The following ZNF438 variants were observed in gnomAD, a reference collection of about 807,000 sequenced individuals.
The protein encoded by ZNF438 is zinc finger protein 438.
ZNF438 carries 25 observed loss-of-function variants against 38.0 expected under a neutral mutation model. The observed-to-expected ratio is 0.66, with a 90% CI of 0.48 to 0.92. ZNF438 has a LOEUF of 0.92. ZNF438 is among the 40% of genes least tolerant of loss of function. The pLI, the probability that ZNF438 is intolerant of heterozygous loss-of-function variation, is 0.00. For missense variants in ZNF438, 1,007 were observed against 999.6 expected (o/e 1.01, Z -0.10); for synonymous variants, 372 against 364.1 (o/e 1.02, Z -0.25).
At chr10:31,020,602 G>A (rs1044579298) in intron 1 of ZNF438, among the ~76,000 whole-genome samples, 2 of 151,762 alleles carry the variant, frequency 1.3e-5, no homozygotes, top group African/African-American at 4.8e-5. Context: ...TTCCTTTCTG[G>A]GCCTGATGGT....
At chr10:31,013,367 T>C (rs1006027974) in intron 1 of ZNF438, among the ~76,000 whole-genome samples, 10 of 151,880 alleles carry the variant, frequency 6.6e-5, no homozygotes, top group African/African-American at 2.4e-4. Context: ...CACAAATACA[T>C]GGCCTCCCAC....
intron 2 of ZNF438, among the ~76,000 whole-genome samples, chr10:30,922,257 C>A (rs914135657): frequency 5.9e-5 from 9 of 152,140 alleles, no homozygotes; most frequent in Admixed American, 3.9e-4. Flanking sequence ...TGTATCCAGG[C>A]AACACATGGT....
intron 3 of ZNF438, among the ~76,000 whole-genome samples, chr10:30,898,004 A>G (rs12573257): frequency 0.041 from 6,254 of 152,332 alleles, 378 homozygotes; most frequent in East Asian, 0.29. Context: ...TATATTAAAT[A>G]TAATATTACA....
At chr10:30,948,535 C>A (rs1388338444) in intron 1 of ZNF438, among the ~76,000 whole-genome samples, 1 of 151,602 alleles carries the variant, frequency 6.6e-6, no homozygotes, top group Non-Finnish European at 1.5e-5. Context: ...CTAGAATAAC[C>A]AATACAGAGA....
intron 1 of ZNF438, among the ~76,000 whole-genome samples, chr10:30,958,132 C>T (rs1426626089): frequency 6.8e-6 from 1 of 146,406 alleles, no homozygotes; most frequent in African/African-American, 2.4e-5. Context: ...GCATTCCTGG[C>T]CTTGTACTTT....
chr10:30,906,851 G>A (rs2134433884), intron 3 of ZNF438, among the ~76,000 whole-genome samples: 1 of 152,166 alleles, frequency 6.6e-6, no homozygotes, highest in East Asian at 1.9e-4. Flanking sequence ...CTATTAATGT[G>A]GTGTCAACAC....
At chr10:30,995,470 GT>G (rs1276008965) in intron 1 of ZNF438, among the ~76,000 whole-genome samples, 1 of 152,190 alleles carries the variant, frequency 6.6e-6, no homozygotes, top group Non-Finnish European at 1.5e-5. Context: ...CAGAAAATTT[GT>G]TGCTAGAATA....
chr10:30,873,804 CTTTG>C (rs1170002317), intron 4 of ZNF438, among the ~76,000 whole-genome samples: 6 of 152,230 alleles, frequency 3.9e-5, no homozygotes, highest in African/African-American at 7.2e-5. Context: ...ACCATATGAA[CTTTG>C]TTTGGGGACA....
At chr10:31,000,660 A>C (rs2995654) in intron 1 of ZNF438, among the ~76,000 whole-genome samples, 19,480 of 152,072 alleles carry the variant, frequency 0.13, 1,622 homozygotes, top group Middle Eastern at 0.24. Context: ...ATGTACAGCT[A>C]TGAGAGGGCA....
intron 2 of ZNF438, among the ~76,000 whole-genome samples, chr10:30,925,646 T>C (rs1237212382): frequency 6.6e-6 from 1 of 152,198 alleles, no homozygotes; most frequent in Non-Finnish European, 1.5e-5. Flanking sequence ...GTATCACATG[T>C]GGCCTTGTGA....
intron 2 of ZNF438, among the ~76,000 whole-genome samples, chr10:30,924,120 G>A (rs1564650586): frequency 6.6e-6 from 1 of 152,142 alleles, no homozygotes; most frequent in South Asian, 2.1e-4. Flanking sequence ...AAATCTTGCA[G>A]ATACCATCTT....
chr10:30,950,237 G>A (rs200800631), intron 1 of ZNF438, among the ~76,000 whole-genome samples: 60,274 of 150,968 alleles, frequency 0.4, 12,217 homozygotes, highest in Admixed American at 0.44. Context: ...TCTCTGGGAC[G>A]CATTCAAAGC....
intron 2 of ZNF438, among the ~76,000 whole-genome samples, chr10:30,926,199 A>G (rs1272621806): frequency 2.0e-5 from 3 of 152,240 alleles, no homozygotes; most frequent in Non-Finnish European, 4.4e-5. Context: ...TATTTTGGGT[A>G]GTAGTTACAC....
intron 1 of ZNF438, among the ~76,000 whole-genome samples, chr10:31,031,085 A>G (rs2057262167): frequency 6.6e-6 from 1 of 152,190 alleles, no homozygotes; most frequent in Non-Finnish European, 1.5e-5. Flanking sequence ...ATCACCCAAC[A>G]GGCTCCAGTG....
At chr10:30,984,076 T>C (rs1170157874) in intron 1 of ZNF438, among the ~76,000 whole-genome samples, 3 of 152,212 alleles carry the variant, frequency 2.0e-5, no homozygotes, top group Non-Finnish European at 4.4e-5. Flanking sequence ...TTATTTTTTC[T>C]AATGCTCTAA....
chr10:30,991,216 C>T (rs141792866), intron 1 of ZNF438, among the ~76,000 whole-genome samples: 97 of 152,300 alleles, frequency 6.4e-4, no homozygotes, highest in Non-Finnish European at 1.2e-3. Context: ...CCCTCAGCTC[C>T]CAAGCTGGGG....
intron 1 of ZNF438, among the ~76,000 whole-genome samples, chr10:30,957,375 T>C (rs1413773802): frequency 2.0e-5 from 3 of 152,214 alleles, no homozygotes; most frequent in South Asian, 2.1e-4. Flanking sequence ...CTTTGCTGTA[T>C]AGAGCTTTAA....
chr10:31,032,404 T>TCCGCCCAGACCCCGAGCAGTCC (rs2057343991), upstream of ZNF438, among the ~76,000 whole-genome samples: 2 of 151,818 alleles, frequency 1.3e-5, no homozygotes, highest in African/African-American at 2.4e-5. Flanking sequence ...CCCGCTAGAC[T>TCCGCCCAGACCCCGAGCAGTCC]CCGCCCAGAC....
chr10:31,023,207 A>G (rs945565390), intron 1 of ZNF438, among the ~76,000 whole-genome samples: 3 of 152,244 alleles, frequency 2.0e-5, no homozygotes, highest in African/African-American at 7.2e-5. Flanking sequence ...GTAACATTCA[A>G]AAAGTAATCA....
Sources: allele counts gnomAD v4.1 joint callset (sites outside exome capture counted in the v4.1 genomes callset), GRCh38; gene constraint gnomAD v4.1.1; transcripts MANE v1.5; gene names NCBI Gene and HGNC (gene_info 2026-07-23, HGNC 2026-07-21).